ZNF654: variants seen among roughly 807,000 people sequenced by gnomAD.
ZNF654 encodes zinc finger protein 654, also known as melanoma-associated antigen.
Under a neutral mutation model 95.3 loss-of-function variants are expected in ZNF654, and 19 were observed. That is an observed-to-expected ratio of 0.20 (90% CI 0.14 to 0.29). The LOEUF (loss-of-function observed/expected upper bound fraction) is 0.29. Ranked by LOEUF, ZNF654 falls within the 10% of genes least tolerant of loss-of-function variation. ZNF654 has a pLI of 1.00. For synonymous variants in ZNF654, 413 were observed against 457.9 expected (o/e 0.90, Z 1.25); for missense variants, 1,046 against 1,341.0 (o/e 0.78, Z 3.44).
At chr3:88,077,334 G>T (rs9878905) in intron 1 of ZNF654, among the ~76,000 whole-genome samples, 131,400 of 143,154 alleles carry the variant, frequency 0.92, 60,549 homozygotes, top group Non-Finnish European at 0.99. Flanking sequence ...GACTTAAATT[G>T]TTTTTTTTTT....
At chr3:88,094,751 C>T (rs1464152532) in intron 2 of ZNF654, among the ~76,000 whole-genome samples, 3 of 151,920 alleles carry the variant, frequency 2.0e-5, no homozygotes, top group African/African-American at 4.8e-5. Flanking sequence ...TAATCTTGTG[C>T]TAAGTCAGAT....
chr3:88,100,925 G>A (rs187350418), intron 2 of ZNF654, among the ~76,000 whole-genome samples: 5 of 152,220 alleles, frequency 3.3e-5, no homozygotes, highest in East Asian at 3.9e-4. Context: ...AAACCTGCAC[G>A]TTGTGCACAT....
intron 1 of ZNF654, among the ~76,000 whole-genome samples, chr3:88,073,748 ATTC>A (rs1303310611): frequency 2.0e-5 from 3 of 152,176 alleles, no homozygotes; most frequent in Non-Finnish European, 4.4e-5. Context: ...GAGTTAGTGC[ATTC>A]TTCTTAAAAA....
At chr3:88,091,339 A>G (rs1357625428) in intron 2 of ZNF654, among the ~76,000 whole-genome samples, 3 of 152,192 alleles carry the variant, frequency 2.0e-5, no homozygotes, top group Non-Finnish European at 2.9e-5. Flanking sequence ...AAATGTTTAC[A>G]TTATTTTGCA....
chr3:88,100,847 T>C (rs1210674167), intron 2 of ZNF654, among the ~76,000 whole-genome samples: 2 of 152,098 alleles, frequency 1.3e-5, no homozygotes, highest in African/African-American at 4.8e-5. Flanking sequence ...CATCAGGAGA[T>C]ATACCTAATG....
chr3:88,115,889 G>C (rs764914526), intron 3 of ZNF654, among the ~76,000 whole-genome samples: 2 of 152,140 alleles, frequency 1.3e-5, no homozygotes, highest in Non-Finnish European at 2.9e-5. Context: ...AATGATAAAT[G>C]CTGGAAATTA....
chr3:88,118,241 T>A (rs192836794), intron 3 of ZNF654, among the ~76,000 whole-genome samples: 19 of 152,262 alleles, frequency 1.2e-4, no homozygotes, highest in Admixed American at 9.8e-4. Flanking sequence ...CTTCTTTCCC[T>A]GAGACACAAC....
intron 1 of ZNF654, among the ~76,000 whole-genome samples, chr3:88,080,808 G>A (rs1298575753): frequency 1.3e-5 from 2 of 152,190 alleles, no homozygotes; most frequent in Non-Finnish European, 2.9e-5. Flanking sequence ...GAAAAGGTTG[G>A]AACAGACAGA....
chr3:88,099,640 G>A (rs1391282462), intron 2 of ZNF654, among the ~76,000 whole-genome samples: 1 of 152,088 alleles, frequency 6.6e-6, no homozygotes, highest in Non-Finnish European at 1.5e-5. Context: ...CAGACCAATG[G>A]AACAGGACAG....
intron 1 of ZNF654, among the ~76,000 whole-genome samples, chr3:88,072,539 A>C (rs752499864): frequency 2.0e-4 from 30 of 152,190 alleles, no homozygotes; most frequent in African/African-American, 1.4e-4. Context: ...TTTGTCTGCC[A>C]GAAACATGTT....
At chr3:88,078,150 G>T (rs935604248) in intron 1 of ZNF654, among the ~76,000 whole-genome samples, 1 of 152,130 alleles carries the variant, frequency 6.6e-6, no homozygotes, top group Non-Finnish European at 1.5e-5. Context: ...GTAGGGTTTT[G>T]ATATATATTC....
At chr3:88,077,400 C>A (rs1707868278) in intron 1 of ZNF654, among the ~76,000 whole-genome samples, 1 of 148,026 alleles carries the variant, frequency 6.8e-6, no homozygotes, top group African/African-American at 2.5e-5. Context: ...GTGGCGCGAT[C>A]TCGGCTCACT....
At chr3:88,063,662 A>T (rs1194790202) in intron 1 of ZNF654, among the ~76,000 whole-genome samples, 3 of 152,164 alleles carry the variant, frequency 2.0e-5, no homozygotes, top group Admixed American at 6.5e-5. Flanking sequence ...TTAAGAAGTC[A>T]TATAAGGCCT....
intron 2 of ZNF654, among the ~76,000 whole-genome samples, chr3:88,100,020 CA>C (rs1704313310): frequency 6.6e-6 from 1 of 152,110 alleles, no homozygotes; most frequent in East Asian, 1.9e-4. Flanking sequence ...AAGAAACTAC[CA>C]TCACAGTGAA....
At chr3:88,068,440 AAAT>A (rs1367755930) in intron 1 of ZNF654, among the ~76,000 whole-genome samples, 2 of 152,188 alleles carry the variant, frequency 1.3e-5, no homozygotes, top group Non-Finnish European at 2.9e-5. Flanking sequence ...TGTACTGTGA[AAAT>A]AAGTGTGCAT....
Position 88,122,301 on chromosome 3 carries a change from G to C in ZNF654, c.415-3833G>C, listed in dbSNP as rs182670755. 5.7e-4 allele frequency among the ~76,000 whole-genome samples: 87 copies of C among 152,270 alleles called. 1 individual carries two copies. In the East Asian group the frequency reaches 0.016, roughly 28 times the overall value. On this transcript the variant is annotated intron_variant, in intron 3 of 8. Transcript: ENST00000636215. ...AGAAAAGAATACATGATGTGCAATA[G>C]GTGAATGAGTAGGCAGGTAAGTCCA... is the stretch of plus-strand genomic sequence containing the variant.
At chr3:88,135,414 C>A (rs747106725) in intron 7 of ZNF654, 1 of 352,392 alleles carries the variant, frequency 2.8e-6, no homozygotes, top group Non-Finnish European at 5.0e-6. Flanking sequence ...AACATGGAAG[C>A]AATTGCTTCC....
At chr3:88,127,467 G>A (rs1192823072) in intron 4 of ZNF654, among the ~76,000 whole-genome samples, 1 of 151,634 alleles carries the variant, frequency 6.6e-6, no homozygotes. Flanking sequence ...CTAAAAGGGA[G>A]AGAGTTGTTG....
chr3:88,119,488 A>G (rs1483934265), intron 3 of ZNF654, among the ~76,000 whole-genome samples: 1 of 150,522 alleles, frequency 6.6e-6, no homozygotes, highest in East Asian at 2.0e-4. Flanking sequence ...ACATGTATAC[A>G]TATGTAACTA....
Sources: gnomAD v4.1 joint callset for allele counts (sites outside exome capture counted in the v4.1 genomes callset) on GRCh38, gnomAD v4.1.1 for gene constraint, MANE v1.5 for transcripts, NCBI Gene and HGNC (gene_info 2026-07-23, HGNC 2026-07-21) for gene names.